Variants in PDX1 observed in about 807,000 individuals in gnomAD.
The protein encoded by PDX1 is pancreas/duodenum homeobox protein 1.
PDX1 carries 7 observed loss-of-function variants against 11.1 expected under a neutral mutation model. That is an observed-to-expected ratio of 0.63 (90% CI 0.36 to 1.19). The LOEUF (loss-of-function observed/expected upper bound fraction) is 1.19, where lower values mean the gene tolerates loss of function less well. PDX1 is among the 50% of genes most tolerant of loss of function. The pLI, the probability that PDX1 is intolerant of heterozygous loss-of-function variation, is 0.02. For missense variants in PDX1, 449 were observed against 412.1 expected (o/e 1.09, Z -0.78); for synonymous variants, 232 against 196.2 (o/e 1.18, Z -1.53).
At position 27,925,496 on chromosome 13, in the gene PDX1, C is replaced by A; in HGVS notation, c.*795C>A. 1 of 159,176 alleles carries A rather than the reference C, an allele frequency of 6.3e-6. No individual in the cohort carries two copies. The highest frequency in any genetic ancestry group is 1.3e-4 in the South Asian group (1 of 7,722). The allele number at this position is 159,176 out of a possible 1,614,324, so 9.9% of individuals were successfully genotyped here. A position where few individuals can be genotyped will look rare whatever the true frequency, so the allele number is the denominator to read the frequency against. On this transcript the variant is annotated 3_prime_UTR_variant, in exon 2 of 2. Coordinates refer to ENST00000381033, the MANE Select transcript of PDX1 (RefSeq NM_000209.4). ...TCTCCCTCCTCTTCCTCTTCCTCCT[C>A]TTCCACGTGCTCTCCTTTCCTCCCC...
chr13:27,920,370 G>A lies in PDX1; in HGVS notation c.232G>A (p.Ala78Thr). The change falls in exon 1 of 2, where the codon GCG (alanine) becomes ACG (threonine). Residue 78 changes from alanine to threonine, a missense_variant. Ala to Thr is a moderately conservative substitution (Grantham distance 58). This residue lies in a region of PDX1 where 263 missense variants were observed against 212.5 expected (regional missense o/e 1.24). Coordinates refer to ENST00000381033, the MANE Select transcript of PDX1 (RefSeq NM_000209.4). The part of the protein sequence containing the change: ...YEVPPLADDP[A>T]VAHLHHHLPA... ...GGTGCCCCCCCTCGCCGACGACCCCGCGGTGGCGCACCTTCACCACCACCT... is the reference window on the plus strand; with the variant it reads ...GGTGCCCCCCCTCGCCGACGACCCCACGGTGGCGCACCTTCACCACCACCT... The A allele has an allele frequency of 4.5e-6, 7 of 1,546,252 alleles. No individual in the cohort carries two copies. Among genetic ancestry groups the A allele is most frequent in the Non-Finnish European group, 6.1e-6 (7 of 1,145,224 alleles).
At chr13:27,922,688 G>A (rs533157675) in intron 1 of PDX1, among the ~76,000 whole-genome samples, 1 of 152,278 alleles carries the variant, frequency 6.6e-6, no homozygotes, top group African/African-American at 2.4e-5. Flanking sequence ...GCTGAGCACA[G>A]GTCCCCCGGG....
chr13:27,923,001 AG>A (rs1298117034), intron 1 of PDX1, among the ~76,000 whole-genome samples: 1 of 152,164 alleles, frequency 6.6e-6, no homozygotes, highest in African/African-American at 2.4e-5. Flanking sequence ...GAAACCCAGT[AG>A]GGTTCCATCG....
Position 27,920,392 on chromosome 13 carries a change from A to G in PDX1, c.254A>G (p.His85Arg), listed in dbSNP as rs1957775203. ...DDPAVAHLHH[H>R]LPAQLALPHP... ...CCCGCGGTGGCGCACCTTCACCACC[A>G]CCTCCCGGCTCAGCTCGCGCTCCCC... The change falls in exon 1 of 2, where the codon CAC (histidine) becomes CGC (arginine). Residue 85 changes from histidine to arginine, a missense_variant. His to Arg is a conservative substitution (Grantham distance 29). This residue lies in a region of PDX1 where 263 missense variants were observed against 212.5 expected (regional missense o/e 1.24). Coordinates refer to ENST00000381033, the MANE Select transcript of PDX1 (RefSeq NM_000209.4). 1.3e-6 allele frequency: 2 copies of G among 1,545,352 alleles called. No individual in the cohort carries two copies. Among genetic ancestry groups the G allele is most frequent in the Non-Finnish European group, 1.7e-6 (2 of 1,146,168 alleles).
At chr13:27,921,910 C>T (rs1274594554) in intron 1 of PDX1, among the ~76,000 whole-genome samples, 1 of 152,226 alleles carries the variant, frequency 6.6e-6, no homozygotes, top group Non-Finnish European at 1.5e-5. Context: ...GGCCAAAGGC[C>T]TTGAAGTCTC....
chr13:27,920,578 G>T (rs747038170), intron 1 of PDX1, 34 bp downstream of exon 1: 1 of 1,609,940 alleles, frequency 6.2e-7, no homozygotes, highest in Non-Finnish European at 8.5e-7. Context: ...TCTCCTTTCC[G>T]GTTCTCACCC....
chr13:27,923,484 C>T (rs4581569), intron 1 of PDX1, among the ~76,000 whole-genome samples: 50,856 of 152,070 alleles, frequency 0.33, 8,730 homozygotes, highest in Middle Eastern at 0.38. Context: ...GGCAGAAGTC[C>T]GGCTGAAGTT....
intron 1 of PDX1, among the ~76,000 whole-genome samples, chr13:27,923,854 T>A (rs960201185): frequency 1.3e-5 from 2 of 152,214 alleles, no homozygotes; most frequent in Non-Finnish European, 2.9e-5. Context: ...TCAGGAGGTT[T>A]TTTTTAGCCC....
At position 27,920,138 on chromosome 13, in the gene PDX1, C is replaced by T. The variant is rs1957771136; in HGVS notation, c.-1C>T. On this transcript the variant is annotated 5_prime_UTR_variant, in exon 1 of 2. Coordinates refer to ENST00000381033, the MANE Select transcript of PDX1 (RefSeq NM_000209.4). ...CCGGTGCCCAATCCCGGGCCGCAGC[C>T]ATGAACGGCGAGGAGCAGTACTACG... 3.2e-6 allele frequency: 5 copies of T among 1,549,610 alleles called. No individual in the cohort carries two copies. Among genetic ancestry groups the T allele is most frequent in the Non-Finnish European group, 4.4e-6 (5 of 1,146,652 alleles).
In PDX1 at chr13:27,924,276, C is replaced by T. The variant is rs867386299; in HGVS notation, c.427C>T (p.Pro143Ser). 1.2e-6 allele frequency: 2 copies of T among 1,606,630 alleles called. No homozygotes were observed. ...CGCAGGCGGCGCCTACGCTGCGGAG[C>T]CGGAGGAGAACAAGCGGACGCGCAC... ...QWAGGAYAAE[P>S]EENKRTRTAY... Residue 143 changes from proline (P) to serine (S), a missense_variant, in exon 2 of 2, where the codon CCG (proline) becomes TCG (serine). This residue lies in a region of PDX1 where 263 missense variants were observed against 212.5 expected (regional missense o/e 1.24). Coordinates refer to ENST00000381033, the MANE Select transcript of PDX1 (RefSeq NM_000209.4). This position sits in a 1 kb window ranked among gnomAD's most constrained non-coding sequence, Gnocchi z 4.8.
At chr13:27,923,955 G>A (rs1044384726) in intron 1 of PDX1, among the ~76,000 whole-genome samples, 2 of 152,192 alleles carry the variant, frequency 1.3e-5, no homozygotes, top group Non-Finnish European at 2.9e-5. Context: ...GATTAACACC[G>A]ATTATATGAG....
At position 27,920,440 on chromosome 13, in the gene PDX1, C is replaced by G. The variant is rs758919455; in HGVS notation, c.302C>G (p.Pro101Arg). Residue 101 changes from proline to arginine, a missense_variant, in exon 1 of 2, where the codon CCG becomes CGG. Coordinates refer to ENST00000381033, the MANE Select transcript of PDX1 (RefSeq NM_000209.4). ...CCCCACCCGCCCGCCGGGCCCTTCCCGGAGGGAGCCGAGCCGGGCGTCCTG... is the reference window on the plus strand; with the variant it reads ...CCCCACCCGCCCGCCGGGCCCTTCCGGGAGGGAGCCGAGCCGGGCGTCCTG... ...ALPHPPAGPF[P>R]EGAEPGVLEE... 1.3e-6 allele frequency: 2 copies of G among 1,584,824 alleles called. No homozygotes were observed. The highest frequency in any genetic ancestry group is 1.7e-6 in the Non-Finnish European group (2 of 1,165,764).
Position 27,924,168 on chromosome 13 carries a change from C to T in PDX1, c.407-88C>T. ...GGGAGCAGCTGGTAGGGCTAGGGCT[C>T]CCTGGCCCCCCTTGAAGGGGTTGGG... On this transcript the variant is annotated intron_variant, in intron 1 of 1. Coordinates refer to ENST00000381033, the MANE Select transcript of PDX1 (RefSeq NM_000209.4). The surrounding 1 kb of genome is among the most constrained non-coding windows in gnomAD (Gnocchi z 4.8). 8.3e-7 allele frequency: 1 copy of T among 1,200,186 alleles called. No homozygotes were observed. Among genetic ancestry groups the T allele is most frequent in the African/African-American group, 1.5e-5 (1 of 65,354 alleles). 74.3% of individuals were successfully genotyped at this position (1,200,186 alleles called of 1,614,324 possible).
chr13:27,921,329 G>A (rs567043916), intron 1 of PDX1, among the ~76,000 whole-genome samples: 11 of 152,356 alleles, frequency 7.2e-5, no homozygotes, highest in Admixed American at 5.2e-4. Context: ...CTAGCTGGTG[G>A]GGAGGCGAGA....
rs892377900 is a variant in PDX1 at position 27,920,008 on chromosome 13, T to G, written c.-131T>G. The G allele has an allele frequency of 5.9e-6, 7 of 1,182,164 alleles. No individual in the cohort carries two copies. The highest frequency in any genetic ancestry group is 7.3e-6 in the Non-Finnish European group (6 of 822,020). 73.2% of individuals were successfully genotyped at this position (1,182,164 alleles called of 1,614,324 possible). A position where few individuals can be genotyped will look rare whatever the true frequency, so the allele number is the denominator to read the frequency against. ...GGCTGTGGGTTCCCTCTGAGATCAGTGCGGAGCTGTCAAAGCGAGCAGGGG... is the reference window on the plus strand; with the variant it reads ...GGCTGTGGGTTCCCTCTGAGATCAGGGCGGAGCTGTCAAAGCGAGCAGGGG... On this transcript the variant is annotated 5_prime_UTR_variant, in exon 1 of 2. Transcript: ENST00000381033.
Position 27,924,904 on chromosome 13 carries a change from C to A in PDX1, c.*203C>A. The A allele has an allele frequency of 2.2e-6, 1 of 444,524 alleles. No individual in the cohort carries two copies. Among genetic ancestry groups the A allele is most frequent in the Non-Finnish European group, 3.9e-6 (1 of 259,654 alleles). The allele number at this position is 444,524 out of a possible 1,614,324, so 27.5% of individuals were successfully genotyped here. On this transcript the variant is annotated 3_prime_UTR_variant, in exon 2 of 2. Transcript: ENST00000381033. This position sits in a 1 kb window ranked among gnomAD's most constrained non-coding sequence, Gnocchi z 4.8. Reference sequence around the variant, plus strand: ...GCCCCGCGGGTAGATGCCGGCAGGCCTTCCGGAAGAAAAAGAGCCATTGGT... The same window carrying A: ...GCCCCGCGGGTAGATGCCGGCAGGCATTCCGGAAGAAAAAGAGCCATTGGT...
chr13:27,923,088 A>G (rs1313782886), intron 1 of PDX1, among the ~76,000 whole-genome samples: 1 of 152,188 alleles, frequency 6.6e-6, no homozygotes, highest in Admixed American at 6.5e-5. Context: ...TCACAGGAGA[A>G]ATGTCCCCTG....
Position 27,920,538 on chromosome 13 carries a change from T to G in PDX1, c.400T>G (p.Trp134Gly), listed in dbSNP as rs1478081393. 1 of 1,613,032 alleles carries G rather than the reference T, an allele frequency of 6.2e-7. No individual in the cohort carries two copies. ...CAAAGCTCACGCGTGGAAAGGCCAG[T>G]GGGCAGGTAAGCCTGGCTCCCCACC... ...STKAHAWKGQ[W>G]AGGAYAAEPE... is the part of the protein sequence containing the mutation. The change falls in exon 1 of 2, where the codon TGG becomes GGG. Residue 134 changes from tryptophan to glycine, a missense_variant. Trp to Gly is a radical substitution (Grantham distance 184, BLOSUM62 -2). Around this residue, in one of 3 missense-constraint regions of PDX1, gnomAD observed 263 missense variants for 212.5 expected, o/e 1.24. Coordinates refer to ENST00000381033, the MANE Select transcript of PDX1 (RefSeq NM_000209.4).
intron 1 of PDX1, among the ~76,000 whole-genome samples, chr13:27,923,917 T>C (rs572330545): frequency 2.0e-5 from 3 of 152,344 alleles, no homozygotes; most frequent in South Asian, 2.1e-4. Flanking sequence ...TTAACTATTA[T>C]ATACATTTAA....
Sources: gnomAD v4.1 joint callset for allele counts (sites outside exome capture counted in the v4.1 genomes callset) on GRCh38, gnomAD v4.1.1 for gene constraint, gnomAD v4.1.1 regional missense constraint, Gnocchi (gnomAD v3.1) non-coding constraint, MANE v1.5 for transcripts, NCBI Gene and HGNC (gene_info 2026-07-23, HGNC 2026-07-21) for gene names.